EPG5: variants seen among roughly 807,000 people sequenced by gnomAD.
EPG5 encodes the protein ectopic P-granules 5 autophagy tethering factor.
In EPG5, 159 loss-of-function variants were observed where a neutral mutation model predicts 302.7. The ratio of observed to expected loss-of-function variants is 0.53; its 90% CI spans 0.46 to 0.60. EPG5 has a LOEUF of 0.60. Ranked by LOEUF, EPG5 falls within the 20% of genes least tolerant of loss-of-function variation. The probability of loss-of-function intolerance (pLI) is 0.00; values close to 1 mark genes in which losing one functional copy is unlikely to be tolerated. For missense variants in EPG5, 2,896 were observed against 3,092.4 expected (o/e 0.94, Z 1.51); for synonymous variants, 1,158 against 1,136.8 (o/e 1.02, Z -0.37).
chr18:45,913,537 A>T (rs936885951), intron 21 of EPG5, among the ~76,000 whole-genome samples, 169 bp downstream of exon 21: 5 of 152,222 alleles, frequency 3.3e-5, no homozygotes, highest in Non-Finnish European at 7.3e-5. Context: ...ACAAACCTTG[A>T]GAAGCAAGTA....
intron 1 of EPG5, among the ~76,000 whole-genome samples, chr18:45,961,507 A>G (rs369994504): frequency 1.2e-4 from 19 of 152,146 alleles, no homozygotes; most frequent in East Asian, 9.7e-4. Context: ...TTCTCCCCCA[A>G]TATCCACATA....
chr18:45,808,035 C>A, the EPG5 span, among the ~76,000 whole-genome samples: 3 of 151,978 alleles, frequency 2.0e-5, no homozygotes, highest in Non-Finnish European at 1.5e-5. Context: ...AAATAAAAAA[C>A]AATAGAAACT....
chr18:45,875,920 G>A (rs1338681698), intron 35 of EPG5, among the ~76,000 whole-genome samples: 1 of 152,030 alleles, frequency 6.6e-6, no homozygotes, highest in East Asian at 1.9e-4. Flanking sequence ...AGCCAGGTGT[G>A]GCGGCATGCG....
intron 43 of EPG5, among the ~76,000 whole-genome samples, chr18:45,854,385 T>C (rs1037742129): frequency 2.0e-5 from 3 of 152,176 alleles, no homozygotes; most frequent in Non-Finnish European, 4.4e-5. Flanking sequence ...GCAGAGGAGC[T>C]AAGGTGTTCA....
At chr18:45,857,721 T>C (rs1411854024) in intron 42 of EPG5, 132 bp downstream of exon 42, 14 of 631,226 alleles carry the variant, frequency 2.2e-5, no homozygotes, top group Non-Finnish European at 3.8e-5. Flanking sequence ...TTTCTTTTTT[T>C]TTTTCCATTA....
rs377488754 is a variant in EPG5 at position 45,919,573 on chromosome 18, C to T, written c.3099-1754G>A. Among the ~76,000 whole-genome samples, 1,341 of 147,728 alleles carry T rather than the reference C, an allele frequency of 9.1e-3. 16 individuals carry two copies. Among genetic ancestry groups the T allele is most frequent in the African/African-American group, 0.033 (1,292 of 39,544 alleles). The stretch of plus-strand genomic sequence containing the variant: ...TGTCGCCCAGGCTGGAGTGCAGTGG[C>T]GCAATCTCGGCTCACTGCAAGCTCC... On this transcript the variant is annotated intron_variant, in intron 16 of 43. Coordinates refer to ENST00000282041, the MANE Select transcript of EPG5 (RefSeq NM_020964.3).
intron 36 of EPG5, chr18:45,868,256 C>CT (rs1384141187): frequency 2.2e-6 from 1 of 447,282 alleles, no homozygotes; most frequent in Admixed American, 2.4e-5. Flanking sequence ...CCAGGTAATG[C>CT]TGATGCTGCT....
rs757703100 is a variant in EPG5, at chr18:45,967,163, G to A, written c.63+14C>T. 5 of 1,438,602 alleles carry A rather than the reference G, an allele frequency of 3.5e-6. No homozygotes were observed. The African/African-American group carries it at 1.2e-4, about 35-fold the overall frequency. The allele number at this position is 1,438,602 out of a possible 1,614,324, so 89.1% of individuals were successfully genotyped here. A position where few individuals can be genotyped will look rare whatever the true frequency, so the allele number is the denominator to read the frequency against. ...ACACTGCCAGAGCCTCGGGAGGGTG[G>A]GGGAGATCCTCACCTTTGTTTTAGT... On this transcript the variant is annotated intron_variant, in intron 1 of 43. Transcript: ENST00000282041.
At chr18:45,884,258 G>A (rs993219495) in intron 30 of EPG5, among the ~76,000 whole-genome samples, 2 of 152,168 alleles carry the variant, frequency 1.3e-5, no homozygotes, top group Non-Finnish European at 2.9e-5. Context: ...ATTGTGACCT[G>A]TGCATGTGAA....
intron 35 of EPG5, among the ~76,000 whole-genome samples, chr18:45,875,922 C>T (rs778084164): frequency 5.3e-5 from 8 of 151,720 alleles, no homozygotes; most frequent in African/African-American, 9.7e-5. Context: ...CCAGGTGTGG[C>T]GGCATGCGCT....
downstream of EPG5, among the ~76,000 whole-genome samples, chr18:45,844,573 G>A (rs767186650): frequency 2.6e-5 from 4 of 152,190 alleles, no homozygotes; most frequent in South Asian, 8.3e-4. Flanking sequence ...AAGAGGCAGT[G>A]ATGCTTTTTC....
At chr18:45,946,310 T>C (rs771535663) in intron 7 of EPG5, among the ~76,000 whole-genome samples, 2 of 152,214 alleles carry the variant, frequency 1.3e-5, no homozygotes, top group Non-Finnish European at 2.9e-5. Context: ...AACTTGTTAC[T>C]ATATAAAAAA....
At chr18:45,948,954 T>A (rs560444092) in intron 5 of EPG5, among the ~76,000 whole-genome samples, 1 of 152,180 alleles carries the variant, frequency 6.6e-6, no homozygotes, top group African/African-American at 2.4e-5. Context: ...TTGGCAAACA[T>A]TTTGGCTCCT....
the EPG5 span, chr18:45,837,906 C>T: frequency 2.0e-6 from 3 of 1,490,822 alleles, no homozygotes; most frequent in East Asian, 5.6e-5. Flanking sequence ...GGCGAGGCGG[C>T]GTGGGAGCGG....
Position 45,939,754 on chromosome 18 carries a change from T to C in EPG5, c.1945A>G (p.Met649Val), listed in dbSNP as rs1053593389. Residue 649 changes from methionine to valine, a missense_variant and splice_region_variant, in exon 10 of 44, where the codon ATG becomes GTG. By Grantham distance (21) the Met-to-Val change is conservative. This residue lies in a region of EPG5 where 1,390 missense variants were observed against 1,430.0 expected (regional missense o/e 0.97). Coordinates refer to ENST00000282041, the MANE Select transcript of EPG5 (RefSeq NM_020964.3). The stretch of plus-strand genomic sequence containing the variant: ...TGGTCACTTACATAACCAAGAGTCA[T>C]CCTGAGCATGAGGAAAGATAATACA... ...FVKRIGYMIR[M>V]TLGYVSDHWA... 2 of 1,613,146 alleles carry C rather than the reference T, an allele frequency of 1.2e-6. No individual in the cohort carries two copies. Among genetic ancestry groups the C allele is most frequent in the Non-Finnish European group, 1.7e-6 (2 of 1,179,820 alleles).
At chr18:45,824,326 C>T in the EPG5 span, among the ~76,000 whole-genome samples, 1 of 152,358 alleles carries the variant, frequency 6.6e-6, no homozygotes, top group Admixed American at 6.5e-5. Context: ...CCTGCCTCAG[C>T]CTCCCAAGTA....
intron 34 of EPG5, among the ~76,000 whole-genome samples, chr18:45,878,152 A>T (rs2049012730): frequency 6.6e-6 from 1 of 152,218 alleles, no homozygotes; most frequent in African/African-American, 2.4e-5. Context: ...ATGAGTGTCC[A>T]GTTTTGTTCC....
At chr18:45,876,741 C>T (rs796650656) in intron 34 of EPG5, among the ~76,000 whole-genome samples, 16 of 151,276 alleles carry the variant, frequency 1.1e-4, no homozygotes, top group African/African-American at 3.9e-4. Context: ...ATTCACATAA[C>T]AAAGAGATGG....
At chr18:45,902,279 C>G (rs527883384) in intron 25 of EPG5, among the ~76,000 whole-genome samples, 21 of 152,318 alleles carry the variant, frequency 1.4e-4, no homozygotes, top group African/African-American at 5.1e-4. Context: ...ACAGCACTAT[C>G]CCTTATAGTT....
Sources: gnomAD v4.1 joint callset for allele counts (sites outside exome capture counted in the v4.1 genomes callset) on GRCh38, gnomAD v4.1.1 for gene constraint, gnomAD v4.1.1 regional missense constraint, MANE v1.5 for transcripts, NCBI Gene and HGNC (gene_info 2026-07-23, HGNC 2026-07-21) for gene names.